Variants in WWC1 observed in about 807,000 individuals in gnomAD.
The protein encoded by WWC1 is protein KIBRA.
In WWC1, 55 loss-of-function variants were observed where a neutral mutation model predicts 138.4. The observed-to-expected ratio is 0.40, with a 90% CI of 0.32 to 0.50. The LOEUF is 0.50. Among genes scored for constraint, WWC1 ranks in the 20% least tolerant of loss-of-function variants. The pLI, the probability that WWC1 is intolerant of heterozygous loss-of-function variation, is 0.72. For synonymous variants in WWC1, 524 were observed against 564.9 expected (o/e 0.93, Z 1.03); for missense variants, 1,226 against 1,420.4 (o/e 0.86, Z 2.20).
At chr5:168,333,568 T>C (rs1773208894) in intron 1 of WWC1, among the ~76,000 whole-genome samples, 1 of 152,174 alleles carries the variant, frequency 6.6e-6, no homozygotes, top group Admixed American at 6.5e-5. Context: ...TCTGTGACTT[T>C]TGCAACCTGT....
rs371655581 is a variant in WWC1, at chr5:168,422,110, C to T, written c.1274+13C>T. ...CCCAGCTGAAAAGGTGAGTGGTGGG[C>T]GGTGAGGCCACTGCTCCCCTGGGCA... On this transcript the variant is annotated intron_variant, in intron 10 of 22. Coordinates refer to ENST00000265293, the MANE Select transcript of WWC1 (RefSeq NM_015238.3). 70 of 1,611,222 alleles carry T rather than the reference C, an allele frequency of 4.3e-5. No individual in the cohort carries two copies. Among genetic ancestry groups the T allele is most frequent in the South Asian group, 1.4e-4 (13 of 90,716 alleles).
At chr5:168,321,431 C>T (rs1772068897) in intron 1 of WWC1, among the ~76,000 whole-genome samples, 1 of 152,154 alleles carries the variant, frequency 6.6e-6, no homozygotes, top group Admixed American at 6.5e-5. Context: ...TGGTTAACCT[C>T]CTTCTCAGGG....
At chr5:168,376,486 A>G (rs1039333961) in intron 2 of WWC1, among the ~76,000 whole-genome samples, 3 of 152,258 alleles carry the variant, frequency 2.0e-5, no homozygotes, top group African/African-American at 7.2e-5. Context: ...GAAGAAGTCA[A>G]AGTATCTCTC....
intron 17 of WWC1, 57 bp downstream of exon 17, chr5:168,444,642 A>G (rs2152874736): frequency 6.3e-7 from 1 of 1,580,838 alleles, no homozygotes; most frequent in Non-Finnish European, 8.7e-7. Flanking sequence ...TAGGCCCAGC[A>G]ATGAGATCCC....
intron 3 of WWC1, among the ~76,000 whole-genome samples, chr5:168,388,930 A>T (rs1170661698): frequency 6.6e-6 from 1 of 152,170 alleles, no homozygotes; most frequent in East Asian, 1.9e-4. Context: ...AATCATGATT[A>T]GTAGAGGGCT....
intron 1 of WWC1, among the ~76,000 whole-genome samples, chr5:168,315,273 G>C (rs1771479147): frequency 1.3e-5 from 2 of 151,634 alleles, no homozygotes; most frequent in Admixed American, 1.3e-4. Context: ...GTAAAATGCA[G>C]ATTCCTGGGC....
At chr5:168,341,632 G>T (rs1308943917) in intron 1 of WWC1, among the ~76,000 whole-genome samples, 1 of 151,890 alleles carries the variant, frequency 6.6e-6, no homozygotes, top group African/African-American at 2.4e-5. Context: ...CTCTCCTCTA[G>T]GTAGCTGGCC....
At chr5:168,341,543 C>G (rs1045865616) in intron 1 of WWC1, among the ~76,000 whole-genome samples, 3 of 152,064 alleles carry the variant, frequency 2.0e-5, no homozygotes, top group Non-Finnish European at 1.5e-5. Flanking sequence ...GACCCAAATT[C>G]CCATCCCTGC....
chr5:168,408,389 G>T, intron 6 of WWC1, 118 bp from the exon 7 acceptor site: 1 of 1,206,118 alleles, frequency 8.3e-7, no homozygotes, highest in South Asian at 1.4e-5. Context: ...TAGGATATCT[G>T]GGGAGGGCAC....
intron 8 of WWC1, chr5:168,414,058 G>A: frequency 2.6e-6 from 1 of 385,940 alleles, no homozygotes; most frequent in Non-Finnish European, 4.7e-6. Flanking sequence ...AGTGCTAAGA[G>A]GTTAGTGCCT....
At position 168,442,559 on chromosome 5, in the gene WWC1, G is replaced by A. The variant is rs191474140; in HGVS notation, c.2433+725G>A. Among the ~76,000 whole-genome samples the A allele has an allele frequency of 7.9e-5, 12 of 151,864 alleles. No individual in the cohort carries two copies. In the East Asian group the frequency reaches 1.7e-3, roughly 22 times the overall value. ...ACTTTGTTATTTGAAAATCTTGGCCGGGCGTGGTGACTCATGCCTGTAATC... is the reference window on the plus strand; with the variant it reads ...ACTTTGTTATTTGAAAATCTTGGCCAGGCGTGGTGACTCATGCCTGTAATC... On this transcript the variant is annotated intron_variant, in intron 16 of 22. Coordinates refer to ENST00000265293, the MANE Select transcript of WWC1 (RefSeq NM_015238.3).
chr5:168,364,915 C>T (rs1776174153), intron 1 of WWC1, among the ~76,000 whole-genome samples: 1 of 152,212 alleles, frequency 6.6e-6, no homozygotes, highest in Non-Finnish European at 1.5e-5. Flanking sequence ...CTGTCTCTTT[C>T]CTCTGTAGCT....
intron 15 of WWC1, among the ~76,000 whole-genome samples, chr5:168,437,239 C>T (rs1051464871): frequency 6.6e-6 from 1 of 152,148 alleles, no homozygotes; most frequent in South Asian, 2.1e-4. Context: ...ACCCTCTCTG[C>T]TGTCTTATCC....
At chr5:168,295,125 C>T (rs140171834) in intron 1 of WWC1, among the ~76,000 whole-genome samples, 67 of 152,220 alleles carry the variant, frequency 4.4e-4, no homozygotes, top group Admixed American at 9.2e-4. Flanking sequence ...AATTTCCCTC[C>T]GGCATACCCC....
intron 1 of WWC1, among the ~76,000 whole-genome samples, chr5:168,350,099 A>G (rs1774822095): frequency 6.6e-6 from 1 of 152,192 alleles, no homozygotes; most frequent in African/African-American, 2.4e-5. Flanking sequence ...ACATACTGGG[A>G]AAGTCCAGAG....
chr5:168,434,990 C>T (rs1041907700), intron 15 of WWC1, among the ~76,000 whole-genome samples: 1 of 152,174 alleles, frequency 6.6e-6, no homozygotes, highest in Non-Finnish European at 1.5e-5. Flanking sequence ...TCCTCTCCAA[C>T]TGAGCAACTG....
intron 1 of WWC1, among the ~76,000 whole-genome samples, chr5:168,359,483 A>G (rs552461302): frequency 8.1e-4 from 124 of 152,284 alleles, no homozygotes; most frequent in African/African-American, 2.8e-3. Flanking sequence ...TTGTCTATCC[A>G]TTTACCTATT....
At chr5:168,362,653 C>CCA (rs1241192011) in intron 1 of WWC1, among the ~76,000 whole-genome samples, 12 of 152,234 alleles carry the variant, frequency 7.9e-5, no homozygotes, top group African/African-American at 2.9e-4. Flanking sequence ...GTTCTCAGAA[C>CCA]TGAAATCTTA....
At chr5:168,439,933 G>C (rs556172520) in intron 15 of WWC1, among the ~76,000 whole-genome samples, 10 of 152,294 alleles carry the variant, frequency 6.6e-5, no homozygotes, top group African/African-American at 2.4e-4. Context: ...ATTTAGTGGA[G>C]AAGAAATGAT....
Sources: gnomAD v4.1 joint callset for allele counts (sites outside exome capture counted in the v4.1 genomes callset) on GRCh38, gnomAD v4.1.1 for gene constraint, MANE v1.5 for transcripts, NCBI Gene and HGNC (gene_info 2026-07-23, HGNC 2026-07-21) for gene names.